Variants in FREM2 observed in about 807,000 individuals in gnomAD.
FREM2 encodes the protein FRAS1 related extracellular matrix 2, also known as FRAS1-related extracellular matrix protein 2.
In FREM2, 119 loss-of-function variants were observed where a neutral mutation model predicts 219.9. That is an observed-to-expected ratio of 0.54 (90% confidence interval 0.47 to 0.63). The LOEUF (loss-of-function observed/expected upper bound fraction) is 0.63. Among genes scored for constraint, FREM2 ranks in the 30% least tolerant of loss-of-function variants. The probability of loss-of-function intolerance (pLI) is 0.00; values close to 1 mark genes in which losing one functional copy is unlikely to be tolerated. For missense variants in FREM2, 4,030 were observed against 3,993.6 expected (o/e 1.01, Z -0.25); for synonymous variants, 1,562 against 1,522.8 (o/e 1.03, Z -0.60).
At chr13:38,730,149 G>A (rs1052266896) in intron 2 of FREM2, among the ~76,000 whole-genome samples, 10 of 152,226 alleles carry the variant, frequency 6.6e-5, no homozygotes, top group East Asian at 1.9e-4. Context: ...CACATCTCAC[G>A]GTAGCACTGT....
At chr13:38,700,638 C>T (rs1870308008) in intron 2 of FREM2, among the ~76,000 whole-genome samples, 1 of 152,074 alleles carries the variant, frequency 6.6e-6, no homozygotes, top group African/African-American at 2.4e-5. Context: ...TTCTATTTGG[C>T]AGATGAGGAA....
At position 38,864,475 on chromosome 13, in the gene FREM2, A is replaced by G; in HGVS notation, c.7852A>G (p.Ile2618Val). 2 of 1,614,202 alleles carry G rather than the reference A, an allele frequency of 1.2e-6. No homozygotes were observed. The highest frequency in any genetic ancestry group is 1.7e-6 in the Non-Finnish European group (2 of 1,180,016). ...ETYPYQYSLSIRGSTTLRFYR... is the reference protein window; with the variant it reads ...ETYPYQYSLSVRGSTTLRFYR... Reference sequence around the variant, plus strand: ...ATATCCTTACCAGTACAGCTTGTCCATCAGAGGTTCCACTACCTTGCGCTT... The same window carrying G: ...ATATCCTTACCAGTACAGCTTGTCCGTCAGAGGTTCCACTACCTTGCGCTT... Residue 2618 changes from isoleucine (I) to valine (V), a missense_variant, in exon 16 of 24, where the codon ATC (isoleucine) becomes GTC (valine). Ile to Val is a conservative substitution (Grantham distance 29). Coordinates refer to ENST00000280481, the MANE Select transcript of FREM2 (RefSeq NM_207361.6).
chr13:38,869,921 A>G (rs180749841), intron 16 of FREM2, among the ~76,000 whole-genome samples: 2 of 152,340 alleles, frequency 1.3e-5, no homozygotes, highest in Non-Finnish European at 2.9e-5. Flanking sequence ...TTTGCGACAT[A>G]GAATCTTAAC....
intron 6 of FREM2, among the ~76,000 whole-genome samples, chr13:38,799,416 A>G (rs9603428): frequency 0.3 from 45,352 of 151,894 alleles, 6,817 homozygotes; most frequent in East Asian, 0.33. Flanking sequence ...CCATGTAATG[A>G]TGAGAATAAT....
Position 38,769,778 on chromosome 13 carries a change from G to T in FREM2, c.5611G>T (p.Ala1871Ser). The change falls in exon 4 of 24, where the codon GCC (alanine) becomes TCC (serine). Residue 1871 changes from alanine (A) to serine (S), a missense_variant. Ala to Ser is a moderately conservative substitution (Grantham distance 99). Coordinates refer to ENST00000280481, the MANE Select transcript of FREM2 (RefSeq NM_207361.6). ...GGCTGCCTTGGAATTCCCCACAGTC[G>T]CCACTGTTGAGATCGTTGATCCAGG... ...VLAALEFPTV[A>S]TVEIVDPGDE... 1 of 1,613,982 alleles carries T rather than the reference G, an allele frequency of 6.2e-7. No homozygotes were observed. Among genetic ancestry groups the T allele is most frequent in the East Asian group, 2.2e-5 (1 of 44,858 alleles).
Position 38,876,447 on chromosome 13 carries a change from A to T in FREM2, c.8544+65A>T, listed in dbSNP as rs75530044. On this transcript the variant is annotated intron_variant, in intron 20 of 23. Coordinates refer to ENST00000280481, the MANE Select transcript of FREM2 (RefSeq NM_207361.6). ...CCCACTTTGTTTTTCATTTATTAGT[A>T]AAAAAAAAAAAAATCCACACGTGAA... The T allele has an allele frequency of 0.016, 6,247 of 402,298 alleles. 81 individuals carry two copies. In the East Asian group the frequency reaches 0.24, roughly 15 times the overall value. 24.9% of individuals were successfully genotyped at this position (402,298 alleles called of 1,614,324 possible).
Position 38,691,567 on chromosome 13 carries a change from GT to G in FREM2, c.4225del (p.Tyr1409ThrfsTer16). The G allele has an allele frequency of 6.2e-7, 1 of 1,614,100 alleles. No individual in the cohort carries two copies. The highest frequency in any genetic ancestry group is 8.5e-7 in the Non-Finnish European group (1 of 1,180,024). On this transcript the variant is annotated frameshift_variant, in exon 1 of 24. Coordinates refer to ENST00000280481, the MANE Select transcript of FREM2 (RefSeq NM_207361.6). LOFTEE classifies it high-confidence loss of function. ...GATGGAATAAATCCCCTCATAGATC[GT>G]TACTTTTATGTGTCCATCGGGAGCA... ...VTDGINPLID[R>X]YFYVSIGSID...
At chr13:38,849,134 A>G (rs1877275811) in intron 8 of FREM2, among the ~76,000 whole-genome samples, 1 of 152,228 alleles carries the variant, frequency 6.6e-6, no homozygotes, top group Non-Finnish European at 1.5e-5. Flanking sequence ...TTGGGATTTC[A>G]ACATATGAAT....
chr13:38,778,392 T>G (rs896634710), intron 4 of FREM2, among the ~76,000 whole-genome samples: 1 of 152,146 alleles, frequency 6.6e-6, no homozygotes, highest in Non-Finnish European at 1.5e-5. Flanking sequence ...GTTTCCTTGG[T>G]GCATGCTCAT....
At chr13:38,801,148 G>T (rs1566146935) in intron 6 of FREM2, among the ~76,000 whole-genome samples, 1 of 152,098 alleles carries the variant, frequency 6.6e-6, no homozygotes, top group Non-Finnish European at 1.5e-5. Flanking sequence ...AATGTATTTT[G>T]TATTTCATTC....
chr13:38,794,011 G>T (rs1402887105), intron 6 of FREM2, among the ~76,000 whole-genome samples: 1 of 152,134 alleles, frequency 6.6e-6, no homozygotes, highest in African/African-American at 2.4e-5. Context: ...CTTCAAATGC[G>T]GGATATCAAA....
At chr13:38,872,212 T>C (rs1290326332) in intron 16 of FREM2, among the ~76,000 whole-genome samples, 1 of 152,224 alleles carries the variant, frequency 6.6e-6, no homozygotes, top group Non-Finnish European at 1.5e-5. Flanking sequence ...AAACACATTT[T>C]GTATGATTCC....
At chr13:38,763,881 G>A (rs780559067) in intron 2 of FREM2, among the ~76,000 whole-genome samples, 28 of 152,132 alleles carry the variant, frequency 1.8e-4, no homozygotes, top group Non-Finnish European at 3.4e-4. Context: ...TCTGTGAACC[G>A]GAAAAAGTAT....
At chr13:38,774,435 C>T (rs535099719) in intron 4 of FREM2, among the ~76,000 whole-genome samples, 4 of 152,138 alleles carry the variant, frequency 2.6e-5, no homozygotes, top group East Asian at 1.9e-4. Flanking sequence ...ATTGCATTCC[C>T]CTAGATTGTT....
intron 6 of FREM2, among the ~76,000 whole-genome samples, chr13:38,844,269 C>A (rs1436009092): frequency 2.6e-5 from 4 of 152,046 alleles, no homozygotes; most frequent in Non-Finnish European, 5.9e-5. Context: ...GCCATGCCAC[C>A]CCCGCCTCTT....
At chr13:38,806,688 T>G (rs992274035) in intron 6 of FREM2, among the ~76,000 whole-genome samples, 2 of 151,908 alleles carry the variant, frequency 1.3e-5, no homozygotes, top group Non-Finnish European at 2.9e-5. Flanking sequence ...TGATGGCTGC[T>G]TATGGATCAG....
At chr13:38,822,815 G>A (rs975393499) in intron 6 of FREM2, among the ~76,000 whole-genome samples, 2 of 152,114 alleles carry the variant, frequency 1.3e-5, no homozygotes, top group African/African-American at 2.4e-5. Context: ...GCTCCCTGAG[G>A]AAAATTTTAT....
intron 9 of FREM2, 136 bp from the exon 10 acceptor site, chr13:38,850,808 C>A: frequency 1.1e-6 from 1 of 914,582 alleles, no homozygotes; most frequent in Non-Finnish European, 1.8e-6. Flanking sequence ...CTGCTGAAGG[C>A]TTATTGCATG....
intron 13 of FREM2, among the ~76,000 whole-genome samples, chr13:38,858,268 C>G (rs1877635896): frequency 6.6e-6 from 1 of 151,718 alleles, no homozygotes; most frequent in Non-Finnish European, 1.5e-5. Flanking sequence ...AGTCTGTCAC[C>G]AATAGAAAAA....
Sources: allele counts gnomAD v4.1 joint callset (sites outside exome capture counted in the v4.1 genomes callset), GRCh38; gene constraint gnomAD v4.1.1; transcripts MANE v1.5; gene names NCBI Gene and HGNC (gene_info 2026-07-23, HGNC 2026-07-21).